Variants in FAM185A observed in about 807,000 individuals in gnomAD.
The protein encoded by FAM185A is family with sequence similarity 185 member A, also known as protein FAM185A.
Under a neutral mutation model 45.7 loss-of-function variants are expected in FAM185A, and 21 were observed. The observed-to-expected ratio is 0.46, with a 90% CI of 0.33 to 0.66. The LOEUF is 0.66. Ranked by LOEUF, FAM185A falls within the 30% of genes least tolerant of loss-of-function variation. FAM185A has a pLI of 0.03. For synonymous variants in FAM185A, 117 were observed against 194.0 expected, an observed-to-expected ratio of 0.60 and a Z score of 3.30; for missense variants, 305 against 485.4, an observed-to-expected ratio of 0.63 and a Z score of 3.49.
In FAM185A at chr7:102,773,532, T is replaced by C. The variant is rs189469589; in HGVS notation, c.835+1082T>C. On this transcript the variant is annotated intron_variant, in intron 5 of 7. Transcript: ENST00000413034. ...GCTATGAATATATTAATGTAAGTCA[T>C]TTTATGGATGTATATATATTTTTCC... 3.4e-3 allele frequency among the ~76,000 whole-genome samples: 514 copies of C among 152,190 alleles called. 9 individuals carry two copies. The highest frequency in any genetic ancestry group is 0.012 in the African/African-American group (498 of 41,550).
At chr7:102,803,704 A>G (rs969422674) in intron 7 of FAM185A, among the ~76,000 whole-genome samples, 3 of 116,130 alleles carry the variant, frequency 2.6e-5, no homozygotes, top group African/African-American at 1.4e-4. Context: ...AGAGAAGGAA[A>G]TAAAGGGTAT....
At chr7:102,827,675 C>A in the FAM185A span, among the ~76,000 whole-genome samples, 19 of 152,056 alleles carry the variant, frequency 1.2e-4, no homozygotes, top group Admixed American at 2.0e-4. Context: ...ATTCCTCCCC[C>A]CTCCCGCCAC....
the FAM185A span, among the ~76,000 whole-genome samples, chr7:102,840,480 G>A: frequency 1.3e-5 from 2 of 152,298 alleles, no homozygotes; most frequent in Admixed American, 1.3e-4. Context: ...AAAATAATCA[G>A]CCAGAAAGAG....
At chr7:102,776,696 T>G (rs1242803761) in intron 5 of FAM185A, among the ~76,000 whole-genome samples, 1 of 120,962 alleles carries the variant, frequency 8.3e-6, no homozygotes, top group African/African-American at 3.3e-5. Flanking sequence ...AGCAAGACCC[T>G]GTCTCTAAAA....
At chr7:102,799,619 C>T (rs1350606472) in intron 7 of FAM185A, among the ~76,000 whole-genome samples, 2 of 152,192 alleles carry the variant, frequency 1.3e-5, no homozygotes, top group Non-Finnish European at 2.9e-5. Flanking sequence ...AGTGTAATCA[C>T]AACTCTCCTC....
downstream of FAM185A, among the ~76,000 whole-genome samples, chr7:102,810,497 G>T (rs986515209): frequency 2.6e-5 from 4 of 152,186 alleles, no homozygotes; most frequent in African/African-American, 9.7e-5. Context: ...CTCCCAAAGT[G>T]CTGGGATTAC....
chr7:102,781,427 C>T (rs1795399472), intron 6 of FAM185A, among the ~76,000 whole-genome samples: 1 of 152,220 alleles, frequency 6.6e-6, no homozygotes, highest in Non-Finnish European at 1.5e-5. Context: ...GGCAGACTGA[C>T]ACCTCACACG....
chr7:102,754,356 A>C (rs549436115), intron 2 of FAM185A, among the ~76,000 whole-genome samples: 2 of 152,178 alleles, frequency 1.3e-5, no homozygotes, highest in African/African-American at 4.8e-5. Flanking sequence ...ACCCGCTATC[A>C]TGCTCGGCTA....
chr7:102,801,455 T>C (rs1461124322), intron 7 of FAM185A, among the ~76,000 whole-genome samples: 1 of 152,146 alleles, frequency 6.6e-6, no homozygotes, highest in Non-Finnish European at 1.5e-5. Flanking sequence ...GCAGAATGGA[T>C]AAGAATTCAC....
chr7:102,785,815 C>A (rs1795751220), intron 6 of FAM185A, among the ~76,000 whole-genome samples: 2 of 151,156 alleles, frequency 1.3e-5, no homozygotes, highest in South Asian at 2.1e-4. Flanking sequence ...GCAACAAAAG[C>A]CAAAATTGAC....
chr7:102,776,710 A>G (rs935822213), intron 5 of FAM185A, among the ~76,000 whole-genome samples: 2 of 151,420 alleles, frequency 1.3e-5, no homozygotes, highest in Non-Finnish European at 2.9e-5. Flanking sequence ...TCTAAAAAAA[A>G]AAAAAAAAAG....
chr7:102,770,841 G>C (rs1794703141), intron 4 of FAM185A, among the ~76,000 whole-genome samples: 2 of 152,164 alleles, frequency 1.3e-5, no homozygotes, highest in South Asian at 4.1e-4. Context: ...ATTCAACCCA[G>C]CAATTCCATT....
chr7:102,784,573 C>A (rs199928320), intron 6 of FAM185A, among the ~76,000 whole-genome samples: 1 of 151,264 alleles, frequency 6.6e-6, no homozygotes, highest in African/African-American at 2.4e-5. Flanking sequence ...ACAGAACCAA[C>A]GACAAAAACC....
At chr7:102,790,430 T>C (rs1259018755) in intron 7 of FAM185A, among the ~76,000 whole-genome samples, 1 of 152,208 alleles carries the variant, frequency 6.6e-6, no homozygotes, top group African/African-American at 2.4e-5. Context: ...ATAGTGAGAA[T>C]CAACTTGTGA....
chr7:102,842,865 G>A, the FAM185A span, among the ~76,000 whole-genome samples: 1 of 152,142 alleles, frequency 6.6e-6, no homozygotes, highest in African/African-American at 2.4e-5. Flanking sequence ...ACTATGCCTG[G>A]AGCCACTCAA....
intron 7 of FAM185A, among the ~76,000 whole-genome samples, chr7:102,803,758 GATATGATTGT>G (rs1796934290): frequency 6.6e-6 from 1 of 152,134 alleles, no homozygotes; most frequent in African/African-American, 2.4e-5. Context: ...GTTTGCTGAT[GATATGATTGT>G]TTACCTCAAA....
chr7:102,804,030 T>C (rs1404822139), intron 7 of FAM185A, among the ~76,000 whole-genome samples: 1 of 152,102 alleles, frequency 6.6e-6, no homozygotes, highest in Non-Finnish European at 1.5e-5. Flanking sequence ...AAAGAAATCA[T>C]AGATGACACA....
the FAM185A span, among the ~76,000 whole-genome samples, chr7:102,831,652 A>T: frequency 9.9e-5 from 15 of 152,176 alleles, no homozygotes; most frequent in Non-Finnish European, 2.2e-4. Flanking sequence ...TTCCAAAGGT[A>T]CACGGTGCTC....
chr7:102,836,682 T>C, the FAM185A span, among the ~76,000 whole-genome samples: 3 of 152,180 alleles, frequency 2.0e-5, no homozygotes, highest in African/African-American at 7.2e-5. Context: ...TCTTAGCGAG[T>C]TAGATCATTC....
Sources: allele counts gnomAD v4.1 joint callset (sites outside exome capture counted in the v4.1 genomes callset), GRCh38; gene constraint gnomAD v4.1.1; transcripts MANE v1.5; gene names NCBI Gene and HGNC (gene_info 2026-07-23, HGNC 2026-07-21).